Variants in DLGAP1 observed in about 807,000 individuals in gnomAD.
DLGAP1 encodes the protein disks large-associated protein 1.
In DLGAP1, 11 loss-of-function variants were observed where a neutral mutation model predicts 90.8. The observed-to-expected ratio is 0.12, with a 90% CI of 0.08 to 0.20. DLGAP1 has a LOEUF of 0.20. Ranked by LOEUF, DLGAP1 falls within the 10% of genes least tolerant of loss-of-function variation. The pLI is 1.00. For missense variants in DLGAP1, 1,050 were observed against 1,333.8 expected (o/e 0.79, Z 3.31); for synonymous variants, 558 against 540.7 (o/e 1.03, Z -0.44).
intron 3 of DLGAP1, among the ~76,000 whole-genome samples, chr18:3,903,774 T>A (rs1020046829): frequency 6.6e-6 from 1 of 152,170 alleles, no homozygotes; most frequent in Non-Finnish European, 1.5e-5. Context: ...TTTTAGAAGA[T>A]CCTCCTACAA....
chr18:4,247,225 TGTAA>T (rs1406667051), intron 1 of DLGAP1, among the ~76,000 whole-genome samples: 2 of 152,232 alleles, frequency 1.3e-5, no homozygotes, highest in Admixed American at 6.5e-5. Context: ...TTCACACTGA[TGTAA>T]GTATTTTTCA....
chr18:3,931,019 T>A (rs565024828), intron 3 of DLGAP1, among the ~76,000 whole-genome samples: 31 of 152,218 alleles, frequency 2.0e-4, no homozygotes, highest in Admixed American at 5.9e-4. Flanking sequence ...CTTCCTCTCC[T>A]CCAGGAAGAC....
intron 5 of DLGAP1, chr18:3,770,062 T>G (rs993737204): frequency 3.3e-5 from 5 of 152,160 alleles, no homozygotes; most frequent in African/African-American, 1.2e-4. Context: ...GAACTGAGTT[T>G]GTACCTAAGA....
chr18:3,660,086 G>C lies in DLGAP1; in HGVS notation c.1591+69049C>G, dbSNP rs979885258. Among the ~76,000 whole-genome samples, 1 of 152,146 alleles carries C rather than the reference G, an allele frequency of 6.6e-6. No individual in the cohort carries two copies. The highest frequency in any genetic ancestry group is 2.4e-5 in the African/African-American group (1 of 41,420). The stretch of plus-strand genomic sequence containing the variant: ...TTTGACTTCAAATATAACTTCCTCA[G>C]AGAGTCTTCCTTGATTACTATATTT... On this transcript the variant is annotated intron_variant, in intron 7 of 12. Transcript: ENST00000315677. The surrounding 1 kb of genome is among the most constrained non-coding windows in gnomAD (Gnocchi z 4.2).
intron 3 of DLGAP1, among the ~76,000 whole-genome samples, chr18:3,891,337 A>G (rs894089434): frequency 2.6e-5 from 4 of 152,104 alleles, no homozygotes; most frequent in African/African-American, 9.7e-5. Context: ...ACTGTGGACA[A>G]TATACATCAA....
intron 1 of DLGAP1, among the ~76,000 whole-genome samples, chr18:4,421,975 A>G (rs1407710740): frequency 1.3e-5 from 2 of 152,218 alleles, no homozygotes; most frequent in South Asian, 2.1e-4. Context: ...CAGCCTCCCA[A>G]AGTGCTAGGA....
intron 7 of DLGAP1, among the ~76,000 whole-genome samples, chr18:3,645,365 A>AAT (rs148205449): frequency 6.6e-6 from 1 of 151,746 alleles, no homozygotes; most frequent in Non-Finnish European, 1.5e-5. Flanking sequence ...ACAGAAAATG[A>AAT]AAATAAATAA....
rs561929804 is a variant in DLGAP1, at chr18:3,668,560, C to G, written c.1591+60575G>C. Among the ~76,000 whole-genome samples, 9 of 152,240 alleles carry G rather than the reference C, an allele frequency of 5.9e-5. 1 individual carries two copies. The South Asian group carries it at 1.9e-3, about 32-fold the overall frequency. On this transcript the variant is annotated intron_variant, in intron 7 of 12. Transcript: ENST00000315677. ...GGGGAAAAGTTTTTCATCTTCCGTA[C>G]CTTCTTCTGTGCCTTTGGCAAAATA...
At chr18:3,537,814 T>C (rs2052462371) in intron 9 of DLGAP1, among the ~76,000 whole-genome samples, 2 of 152,214 alleles carry the variant, frequency 1.3e-5, no homozygotes, top group African/African-American at 4.8e-5. Flanking sequence ...TTCTGTGATT[T>C]CTGTGTTTTT....
intron 5 of DLGAP1, among the ~76,000 whole-genome samples, chr18:3,772,342 CTCTCTCTTTCTTTCTTTCTTTCTT>C (rs1276996892): frequency 0.029 from 2,342 of 81,088 alleles, 144 homozygotes; most frequent in African/African-American, 0.064. Flanking sequence ...TTCTCTCTCT[CTCTCTCTTTCTTTCTTTCTTTCTT>C]TCTTTCTTTC....
chr18:3,645,380 A>G (rs1007671130), intron 7 of DLGAP1, among the ~76,000 whole-genome samples: 2 of 152,264 alleles, frequency 1.3e-5, no homozygotes, highest in Admixed American at 1.3e-4. Context: ...AAATAAATAA[A>G]TAACATCCTT....
intron 2 of DLGAP1, among the ~76,000 whole-genome samples, chr18:4,006,368 C>T (rs2074300349): frequency 6.6e-6 from 1 of 152,226 alleles, no homozygotes; most frequent in South Asian, 2.1e-4. Flanking sequence ...GCATTCTCTT[C>T]TCTCCATGGG....
rs183264798 is a variant in DLGAP1 at position 3,857,665 on chromosome 18, T to G, written c.957+21447A>C. Among the ~76,000 whole-genome samples the G allele has an allele frequency of 1.5e-3, 236 of 152,296 alleles. 1 individual carries two copies. The highest frequency in any genetic ancestry group is 5.4e-3 in the African/African-American group (223 of 41,564). On this transcript the variant is annotated intron_variant, in intron 4 of 12. Transcript: ENST00000315677. ...CTTTTCTGGCCTATTTTTATGACCTTTCTTAGTGCTTTTCCTATGATTCCT... is the reference window on the plus strand; with the variant it reads ...CTTTTCTGGCCTATTTTTATGACCTGTCTTAGTGCTTTTCCTATGATTCCT...
intron 2 of DLGAP1, among the ~76,000 whole-genome samples, chr18:4,091,785 A>G (rs1031379515): frequency 1.3e-5 from 2 of 152,156 alleles, no homozygotes; most frequent in African/African-American, 2.4e-5. Context: ...AGCTTTTCCA[A>G]TGGATCCTTT....
intron 4 of DLGAP1, among the ~76,000 whole-genome samples, chr18:3,861,471 C>T (rs2070054403): frequency 6.6e-6 from 1 of 152,088 alleles, no homozygotes; most frequent in African/African-American, 2.4e-5. Flanking sequence ...TTCTTCTAAG[C>T]AAGATGAACA....
Position 3,946,603 on chromosome 18 carries a change from A to C in DLGAP1, c.-73+58513T>G, listed in dbSNP as rs1269710143. On this transcript the variant is annotated intron_variant, in intron 3 of 12. Coordinates refer to ENST00000315677, the MANE Select transcript of DLGAP1 (RefSeq NM_004746.4). ...TCTGGGAATTTACTAAATATAAAAC[A>C]ATCAGAGAAACAAACAAAAACACTC... 4.6e-5 allele frequency among the ~76,000 whole-genome samples: 7 copies of C among 152,190 alleles called. 1 individual carries two copies. The highest frequency in any genetic ancestry group is 2.6e-4 in the Admixed American group (4 of 15,278).
chr18:4,223,911 A>C (rs1198337637), intron 1 of DLGAP1, among the ~76,000 whole-genome samples: 1 of 152,230 alleles, frequency 6.6e-6, no homozygotes, highest in East Asian at 1.9e-4. Flanking sequence ...CTTAATTCTT[A>C]GCTGTAACCT....
intron 10 of DLGAP1, among the ~76,000 whole-genome samples, chr18:3,515,855 T>C (rs1422718073): frequency 6.6e-6 from 1 of 151,496 alleles, no homozygotes; most frequent in African/African-American, 2.4e-5. Context: ...GTTGATGTAA[T>C]ATTCTAAAGC....
At chr18:3,685,817 C>A (rs28655938) in intron 7 of DLGAP1, among the ~76,000 whole-genome samples, 25,975 of 152,032 alleles carry the variant, frequency 0.17, 2,452 homozygotes, top group African/African-American at 0.24. Flanking sequence ...ATTGTATAAT[C>A]AAACACAATT....
Sources: gnomAD v4.1 joint callset for allele counts (sites outside exome capture counted in the v4.1 genomes callset) on GRCh38, gnomAD v4.1.1 for gene constraint, Gnocchi (gnomAD v3.1) non-coding constraint, MANE v1.5 for transcripts, NCBI Gene and HGNC (gene_info 2026-07-23, HGNC 2026-07-21) for gene names.